Variants in SPON1 observed in about 807,000 individuals in gnomAD.
SPON1 encodes the protein spondin-1.
In SPON1, 52 loss-of-function variants were observed where a neutral mutation model predicts 111.7. The observed-to-expected ratio is 0.47, with a 90% CI of 0.37 to 0.59. SPON1 has a LOEUF of 0.59. SPON1 is among the 20% of genes least tolerant of loss of function. SPON1 has a pLI of 0.00. For missense variants in SPON1, 957 were observed against 1,068.5 expected, an observed-to-expected ratio of 0.90 and a Z score of 1.46; for synonymous variants, 410 against 395.8, an observed-to-expected ratio of 1.04 and a Z score of -0.43.
intron 2 of SPON1, among the ~76,000 whole-genome samples, chr11:14,006,325 A>C (rs7121439): frequency 6.6e-6 from 1 of 152,150 alleles, no homozygotes; most frequent in Non-Finnish European, 1.5e-5. Context: ...GAGGGACACC[A>C]AAGAGTTTTA....
chr11:14,044,601 A>G (rs1040487335), intron 3 of SPON1, among the ~76,000 whole-genome samples: 2 of 152,184 alleles, frequency 1.3e-5, no homozygotes, highest in Non-Finnish European at 2.9e-5. Flanking sequence ...GACAGAGTGA[A>G]ACCCCATCTC....
intron 6 of SPON1, among the ~76,000 whole-genome samples, chr11:14,186,810 T>A (rs1282095488): frequency 6.6e-6 from 1 of 152,240 alleles, no homozygotes; most frequent in African/African-American, 2.4e-5. Flanking sequence ...CTAAGCCAGA[T>A]CTTCGTGTGA....
At chr11:14,214,031 G>A (rs563495509) in intron 6 of SPON1, among the ~76,000 whole-genome samples, 8 of 152,270 alleles carry the variant, frequency 5.3e-5, no homozygotes, top group South Asian at 2.1e-4. Context: ...ATTCCTCATT[G>A]CATTTGTCCC....
chr11:14,090,113 C>T (rs1554923110), intron 5 of SPON1, among the ~76,000 whole-genome samples: 1 of 151,550 alleles, frequency 6.6e-6, no homozygotes, highest in African/African-American at 2.4e-5. Flanking sequence ...TGAGCAAGAC[C>T]ACTTGGTTCC....
intron 6 of SPON1, among the ~76,000 whole-genome samples, chr11:14,192,346 C>T (rs749863039): frequency 8.6e-5 from 13 of 151,984 alleles, no homozygotes; most frequent in Non-Finnish European, 1.8e-4. Context: ...GTTATGTCCT[C>T]AGTGCCTTGC....
At chr11:14,178,045 AAC>A (rs5789825) in intron 6 of SPON1, among the ~76,000 whole-genome samples, 2,156 of 142,210 alleles carry the variant, frequency 0.015, 28 homozygotes, top group African/African-American at 0.038. Flanking sequence ...CACACACACA[AAC>A]ACACACACAC....
At chr11:13,996,711 G>GTATATATATATATATATATATATATATA (rs145375464) in intron 2 of SPON1, among the ~76,000 whole-genome samples, 18 of 145,140 alleles carry the variant, frequency 1.2e-4, no homozygotes, top group African/African-American at 4.7e-4. Context: ...ACCTATGTGT[G>GTATATATATATATATATATATATATATA]TATATATATA....
intron 6 of SPON1, among the ~76,000 whole-genome samples, chr11:14,218,868 T>C (rs1440949917): frequency 2.0e-5 from 3 of 152,256 alleles, no homozygotes; most frequent in Non-Finnish European, 2.9e-5. Context: ...TAGCTCTGTC[T>C]GTTGACAATT....
At chr11:14,257,591 C>T (rs1241550421) in intron 10 of SPON1, 125 bp from the exon 11 acceptor site, 27 of 811,498 alleles carry the variant, frequency 3.3e-5, no homozygotes, top group Non-Finnish European at 4.6e-5. Context: ...CCCAGGAGCA[C>T]CCAGGCTCAC....
intron 2 of SPON1, among the ~76,000 whole-genome samples, chr11:13,992,939 A>G (rs1848242872): frequency 6.6e-6 from 1 of 152,044 alleles, no homozygotes; most frequent in Admixed American, 6.5e-5. Flanking sequence ...GGAAATGCAG[A>G]AATCACCTGC....
Position 14,260,440 on chromosome 11 carries a change from G to A in SPON1, c.1832-148G>A, listed in dbSNP as rs1849158868. 12 of 779,630 alleles carry A rather than the reference G, an allele frequency of 1.5e-5. No individual in the cohort carries two copies. In the East Asian group the frequency reaches 3.3e-4, roughly 21 times the overall value. 48.3% of individuals were successfully genotyped at this position (779,630 alleles called of 1,614,324 possible). A position where few individuals can be genotyped will look rare whatever the true frequency, so the allele number is the denominator to read the frequency against. On this transcript the variant is annotated intron_variant, in intron 13 of 15. Coordinates refer to ENST00000576479, the MANE Select transcript of SPON1 (RefSeq NM_006108.4). ...CTGCTGAGCCACTTCTTGCTCCATA[G>A]ATTTCACTCTTATTTGAACCCATGG... is the stretch of plus-strand genomic sequence containing the variant.
intron 1 of SPON1, among the ~76,000 whole-genome samples, chr11:13,982,287 C>T (rs1848150458): frequency 6.6e-6 from 1 of 152,190 alleles, no homozygotes; most frequent in African/African-American, 2.4e-5. Context: ...TTGGCCTTAT[C>T]TGCAGGGGGC....
chr11:14,031,010 G>T (rs1435892123), intron 2 of SPON1, among the ~76,000 whole-genome samples: 1 of 152,216 alleles, frequency 6.6e-6, no homozygotes, highest in Non-Finnish European at 1.5e-5. Context: ...ATATACCATG[G>T]AATACTACAT....
At chr11:14,084,850 A>G (rs1262276855) in intron 5 of SPON1, among the ~76,000 whole-genome samples, 2 of 152,148 alleles carry the variant, frequency 1.3e-5, no homozygotes, top group Admixed American at 1.3e-4. Flanking sequence ...TCTAACTGGC[A>G]TGAGATGGTA....
chr11:14,131,481 A>G (rs1554927508), intron 5 of SPON1, among the ~76,000 whole-genome samples: 3 of 151,954 alleles, frequency 2.0e-5, no homozygotes, highest in East Asian at 1.9e-4. Context: ...CCCCTTTTCT[A>G]TCTATTTCTT....
At chr11:13,965,235 T>A (rs1174441235) in intron 1 of SPON1, among the ~76,000 whole-genome samples, 4 of 152,200 alleles carry the variant, frequency 2.6e-5, no homozygotes, top group African/African-American at 9.7e-5. Context: ...TGGGTCCTCA[T>A]GAATTAATTG....
intron 2 of SPON1, among the ~76,000 whole-genome samples, chr11:14,030,548 G>A (rs1057275802): frequency 2.0e-5 from 3 of 152,166 alleles, no homozygotes; most frequent in African/African-American, 7.2e-5. Context: ...AATAAAGCAA[G>A]TGAGATTTTA....
At chr11:14,086,074 A>C (rs1554922566) in intron 5 of SPON1, among the ~76,000 whole-genome samples, 1 of 152,156 alleles carries the variant, frequency 6.6e-6, no homozygotes, top group African/African-American at 2.4e-5. Flanking sequence ...CTAAATATAC[A>C]ATCATGTCAT....
rs187942395 is a variant in SPON1, at chr11:14,047,685, G to A, written c.479+6031G>A. 1.4e-3 allele frequency among the ~76,000 whole-genome samples: 217 copies of A among 152,294 alleles called. 1 individual carries two copies. The highest frequency in any genetic ancestry group is 5.1e-3 in the African/African-American group (214 of 41,568). ...AGACAGTGTTAGGGTTTGGATAAAA[G>A]GACAGAAGGGAAGAGGTTATTCCAG... On this transcript the variant is annotated intron_variant, in intron 3 of 15. Transcript: ENST00000576479.
Sources: allele counts gnomAD v4.1 joint callset (sites outside exome capture counted in the v4.1 genomes callset), GRCh38; gene constraint gnomAD v4.1.1; transcripts MANE v1.5; gene names NCBI Gene and HGNC (gene_info 2026-07-23, HGNC 2026-07-21).